CHSY3: variants seen among roughly 807,000 people sequenced by gnomAD.
CHSY3 encodes the protein chondroitin sulfate synthase 3.
Under a neutral mutation model 67.2 loss-of-function variants are expected in CHSY3, and 35 were observed. The observed-to-expected ratio is 0.52, with a 90% CI of 0.40 to 0.69. CHSY3 has a LOEUF of 0.69. CHSY3 is among the 30% of genes least tolerant of loss of function. CHSY3 has a pLI of 0.00. For synonymous variants in CHSY3, 474 were observed against 434.7 expected, an observed-to-expected ratio of 1.09 and a Z score of -1.12; for missense variants, 1,069 against 1,138.5, an observed-to-expected ratio of 0.94 and a Z score of 0.88.
chr5:130,109,745 T>C (rs905210104), intron 2 of CHSY3, among the ~76,000 whole-genome samples: 1 of 151,692 alleles, frequency 6.6e-6, no homozygotes, highest in Admixed American at 6.6e-5. Flanking sequence ...CGGGAAATAT[T>C]AGGTGGGGAT....
At chr5:129,905,709 A>G in intron 1 of CHSY3, 78 bp downstream of exon 1, 2 of 1,549,888 alleles carry the variant, frequency 1.3e-6, no homozygotes, top group South Asian at 2.4e-5. Context: ...GCCCCTGCCC[A>G]GCCCCTCCGC....
At chr5:130,006,542 CAG>C (rs1763881725) in intron 2 of CHSY3, among the ~76,000 whole-genome samples, 2 of 151,950 alleles carry the variant, frequency 1.3e-5, no homozygotes, top group Non-Finnish European at 2.9e-5. Context: ...TGGTGAAACT[CAG>C]AATATATAAA....
At chr5:130,127,156 T>C (rs1330367794) in intron 2 of CHSY3, among the ~76,000 whole-genome samples, 1 of 152,216 alleles carries the variant, frequency 6.6e-6, no homozygotes, top group Admixed American at 6.5e-5. Flanking sequence ...TGGACAAAAA[T>C]GCCGTAACAT....
At chr5:130,038,055 C>G (rs563261146) in intron 2 of CHSY3, among the ~76,000 whole-genome samples, 1 of 152,172 alleles carries the variant, frequency 6.6e-6, no homozygotes, top group Admixed American at 6.6e-5. Context: ...CTGTGGTATG[C>G]AGTGCTACTG....
chr5:130,139,632 C>T (rs1271291189), intron 2 of CHSY3, among the ~76,000 whole-genome samples: 1 of 152,054 alleles, frequency 6.6e-6, no homozygotes, highest in Non-Finnish European at 1.5e-5. Flanking sequence ...AAATCAAAAC[C>T]ATACAGTTCC....
chr5:130,089,111 C>G (rs567014283), intron 2 of CHSY3, among the ~76,000 whole-genome samples: 2 of 150,934 alleles, frequency 1.3e-5, no homozygotes, highest in African/African-American at 4.9e-5. Context: ...TCTCAGTAAA[C>G]TATTGCAAGG....
At chr5:130,023,926 C>G (rs1008834522) in intron 2 of CHSY3, among the ~76,000 whole-genome samples, 1 of 151,842 alleles carries the variant, frequency 6.6e-6, no homozygotes, top group African/African-American at 2.4e-5. Flanking sequence ...CCCCGCCCCC[C>G]CAATAGCTCT....
At chr5:130,164,780 A>T (rs538261438) in intron 2 of CHSY3, among the ~76,000 whole-genome samples, 1 of 152,166 alleles carries the variant, frequency 6.6e-6, no homozygotes, top group Non-Finnish European at 1.5e-5. Flanking sequence ...ATGTATCTAG[A>T]TCAATAAACA....
chr5:130,183,813 A>G (rs937411707), intron 2 of CHSY3, among the ~76,000 whole-genome samples: 2 of 152,128 alleles, frequency 1.3e-5, no homozygotes, highest in African/African-American at 4.8e-5. Context: ...GATAGGAGGA[A>G]TAAATTCAAG....
chr5:129,958,861 G>A (rs1449810869), intron 2 of CHSY3, among the ~76,000 whole-genome samples: 3 of 152,080 alleles, frequency 2.0e-5, no homozygotes, highest in African/African-American at 7.2e-5. Flanking sequence ...TAAGAAGACA[G>A]AGAAGCAATT....
At chr5:130,042,990 G>C (rs1174544668) in intron 2 of CHSY3, among the ~76,000 whole-genome samples, 2 of 152,016 alleles carry the variant, frequency 1.3e-5, no homozygotes, top group East Asian at 3.9e-4. Flanking sequence ...TAAGTAATTG[G>C]CCTCAGATAG....
chr5:130,146,541 G>T (rs1468809521), intron 2 of CHSY3, among the ~76,000 whole-genome samples: 2 of 152,084 alleles, frequency 1.3e-5, no homozygotes, highest in Non-Finnish European at 2.9e-5. Context: ...CTATTATACA[G>T]TAGAGTTAAC....
At position 130,184,434 on chromosome 5, in the gene CHSY3, T is replaced by C; in HGVS notation, c.1292T>C (p.Met431Thr). The change falls in exon 3 of 3, where the codon ATG (methionine) becomes ACG (threonine). Residue 431 changes from methionine to threonine, a missense_variant. By Grantham distance (81) the Met-to-Thr change is moderately conservative. Around this residue, in one of 5 missense-constraint regions of CHSY3, gnomAD observed 401 missense variants for 395.2 expected, o/e 1.01. Transcript: ENST00000305031. ...TIQLHRESAL[M>T]SKLSNTEVSK... is the part of the protein sequence containing the mutation. ...CAGCTCCACAGGGAAAGTGCCCTGA[T>C]GAGCAAGCTCAGTAACACAGAAGTG... The C allele has an allele frequency of 1.9e-6, 3 of 1,613,716 alleles. No homozygotes were observed. The highest frequency in any genetic ancestry group is 2.5e-6 in the Non-Finnish European group (3 of 1,179,604).
Position 129,963,853 on chromosome 5 carries a change from C to T in CHSY3, c.1086+55493C>T, listed in dbSNP as rs1283341990. Among the ~76,000 whole-genome samples, 4 of 151,504 alleles carry T rather than the reference C, an allele frequency of 2.6e-5. No individual in the cohort carries two copies. In the East Asian group the frequency reaches 7.8e-4, roughly 29 times the overall value. ...AGGGATGTGTGTGGGCATGTGTGTGCATATATGTATCTGTGTATATATGTG... is the reference window on the plus strand; with the variant it reads ...AGGGATGTGTGTGGGCATGTGTGTGTATATATGTATCTGTGTATATATGTG... On this transcript the variant is annotated intron_variant, in intron 2 of 2. Transcript: ENST00000305031.
At chr5:130,005,722 C>T (rs539313163) in intron 2 of CHSY3, among the ~76,000 whole-genome samples, 59 of 152,142 alleles carry the variant, frequency 3.9e-4, no homozygotes, top group Non-Finnish European at 6.6e-4. Flanking sequence ...TGCAGTGAGG[C>T]AATAATGAAT....
At chr5:130,075,492 T>G (rs1277727891) in intron 2 of CHSY3, among the ~76,000 whole-genome samples, 1 of 152,294 alleles carries the variant, frequency 6.6e-6, no homozygotes, top group Middle Eastern at 3.4e-3. Context: ...ATGGGATAAC[T>G]TTTTTCCTTT....
At chr5:130,184,040 A>G (rs1440690325) in intron 2 of CHSY3, among the ~76,000 whole-genome samples, 189 bp from the exon 3 acceptor site, 1 of 151,826 alleles carries the variant, frequency 6.6e-6, no homozygotes, top group African/African-American at 2.4e-5. Flanking sequence ...ATGGAATTTC[A>G]TCTACCAATT....
In CHSY3 at chr5:130,011,375, C is replaced by T. The variant is rs138505702; in HGVS notation, c.1086+103015C>T. Among the ~76,000 whole-genome samples the T allele has an allele frequency of 8.1e-4, 124 of 152,284 alleles. No individual in the cohort carries two copies. In the East Asian group the frequency reaches 0.018, roughly 22 times the overall value. ...TAAACGGAACTAAAAACAAACACCA[C>T]GTGGTCATCCCAATAGATGCTGAAA... On this transcript the variant is annotated intron_variant, in intron 2 of 2. Transcript: ENST00000305031.
chr5:130,158,959 T>C (rs1769448145), intron 2 of CHSY3, among the ~76,000 whole-genome samples: 1 of 151,494 alleles, frequency 6.6e-6, no homozygotes, highest in African/African-American at 2.4e-5. Flanking sequence ...TGCTACCACG[T>C]CCTGCTAATT....
Sources: gnomAD v4.1 joint callset for allele counts (sites outside exome capture counted in the v4.1 genomes callset) on GRCh38, gnomAD v4.1.1 for gene constraint, gnomAD v4.1.1 regional missense constraint, MANE v1.5 for transcripts, NCBI Gene and HGNC (gene_info 2026-07-23, HGNC 2026-07-21) for gene names.